The following NRK variants were observed in gnomAD, a reference collection of about 807,000 sequenced individuals.
The protein encoded by NRK is nik-related protein kinase.
A neutral mutation model predicts 125.2 loss-of-function variants in NRK; 67 were observed. The ratio of observed to expected loss-of-function variants is 0.54; its 90% CI spans 0.44 to 0.66. The LOEUF (loss-of-function observed/expected upper bound fraction) is 0.66, where lower values mean the gene tolerates loss of function less well. NRK is among the 30% of genes least tolerant of loss of function. The pLI, the probability that NRK is intolerant of heterozygous loss-of-function variation, is 0.00. For synonymous variants in NRK, 458 were observed against 429.0 expected (o/e 1.07, Z -0.84); for missense variants, 1,224 against 1,192.9 (o/e 1.03, Z -0.38).
At position 105,946,470 on chromosome X, in the gene NRK, A is replaced by G; in HGVS notation, c.4353+6A>G. On this transcript the variant is annotated splice_donor_region_variant and intron_variant, in intron 26 of 28. Coordinates refer to ENST00000243300, the MANE Select transcript of NRK (RefSeq NM_198465.4). ...ATGTGACCCTGCCAAAGAATGTAAG[A>G]TAACACCTTCAGATTCCTAGAAATT... The G allele has an allele frequency of 1.7e-6, 2 of 1,153,442 alleles. No homozygotes were observed. The highest frequency in any genetic ancestry group is 1.2e-6 in the Non-Finnish European group (1 of 851,648).
chrX:105,955,598 T>G lies in NRK; in HGVS notation c.4747T>G (p.Ter1583GluextTer25), dbSNP rs2040966753. 9.2e-7 allele frequency: 1 copy of G among 1,087,046 alleles called. No individual in the cohort carries two copies. Among genetic ancestry groups the G allele is most frequent in the Admixed American group, 2.4e-5 (1 of 41,666 alleles). 89.6% of individuals were successfully genotyped at this position (1,087,046 alleles called of 1,213,427 possible). A position where few individuals can be genotyped will look rare whatever the true frequency, so the allele number is the denominator to read the frequency against. ...LEELQSNYDV[*>E] ...AGAGCTCCAAAGCAATTATGATGTC[T>G]AAAAGTTTCCAGTGATTTATTACCA... Residue 1583 changes from the stop codon to glutamate (E), a stop_lost, in exon 29 of 29, where the codon TAA becomes GAA. Transcript: ENST00000243300.
At chrX:105,884,351 T>TA (rs1407364517) in intron 4 of NRK, among the ~76,000 whole-genome samples, 37 of 111,246 alleles carry the variant, frequency 3.3e-4, no homozygotes, top group Middle Eastern at 4.6e-3. Context: ...TTTTTTTTTT[T>TA]ACGAGATATA....
intron 2 of NRK, among the ~76,000 whole-genome samples, chrX:105,856,773 A>G (rs2039536873): frequency 8.9e-6 from 1 of 111,928 alleles, no homozygotes; most frequent in Non-Finnish European, 1.9e-5. Context: ...GGGTCAGTTA[A>G]GAAAGTTATT....
intron 2 of NRK, among the ~76,000 whole-genome samples, chrX:105,846,746 G>A (rs2039407262): frequency 9.0e-6 from 1 of 111,579 alleles, no homozygotes; most frequent in Non-Finnish European, 1.9e-5. Context: ...AGTTCTTCAG[G>A]AAAATTAGTT....
At position 105,910,535 on chromosome X, in the gene NRK, G is replaced by A. The variant is rs1023504101; in HGVS notation, c.2241+653G>A. ...ATTCTCCGTGTTAGAAGACCAACAGGTTCGTATGCCCACTGCATAGTAACA... is the reference window on the plus strand; with the variant it reads ...ATTCTCCGTGTTAGAAGACCAACAGATTCGTATGCCCACTGCATAGTAACA... On this transcript the variant is annotated intron_variant, in intron 13 of 28. Transcript: ENST00000243300. 7.1e-5 allele frequency among the ~76,000 whole-genome samples: 8 copies of A among 112,451 alleles called. 1 individual carries two copies. In the South Asian group the frequency reaches 2.9e-3, roughly 41 times the overall value.
In NRK at chrX:105,922,858, A is replaced by T. The variant is rs748017951; in HGVS notation, c.2611-260A>T. 8.1e-5 allele frequency among the ~76,000 whole-genome samples: 9 copies of T among 111,288 alleles called. No individual in the cohort carries two copies. In the South Asian group the frequency reaches 1.5e-3, roughly 19 times the overall value. On this transcript the variant is annotated intron_variant, in intron 17 of 28. Coordinates refer to ENST00000243300, the MANE Select transcript of NRK (RefSeq NM_198465.4). The stretch of plus-strand genomic sequence containing the variant: ...TCTCCAGCATCAAAAGCAAGTGTCC[A>T]TTCCTGAGCTGACAAGTATGGGTAT...
At chrX:105,932,634 G>GA (rs1417012002) in intron 19 of NRK, among the ~76,000 whole-genome samples, 2 of 111,612 alleles carry the variant, frequency 1.8e-5, no homozygotes, top group African/African-American at 6.5e-5. Context: ...ACTCCAGACA[G>GA]AAAAAAGATT....
At position 105,937,444 on chromosome X, in the gene NRK, A is replaced by T; in HGVS notation, c.3661A>T (p.Asn1221Tyr). The T allele has an allele frequency of 8.5e-7, 1 of 1,180,989 alleles. No homozygotes were observed. The highest frequency in any genetic ancestry group is 1.1e-6 in the Non-Finnish European group (1 of 874,181). The change falls in exon 22 of 29, where the codon AAT becomes TAT. Residue 1221 changes from asparagine to tyrosine, a missense_variant. Transcript: ENST00000243300. ...EICCGSLWGV[N>Y]LLLGTRSNLY... The stretch of plus-strand genomic sequence containing the variant: ...CACTTTTTATATATGAACAGGAGTC[A>T]ATTTGCTGTTGGGAACCCGATCTAA...
chrX:105,850,346 G>A (rs1035358990), intron 2 of NRK, among the ~76,000 whole-genome samples: 1 of 111,485 alleles, frequency 9.0e-6, no homozygotes, highest in African/African-American at 3.3e-5. Flanking sequence ...TTTTCCTCCT[G>A]GGCCTCCAGG....
At chrX:105,914,552 C>G (rs2040340973) in intron 14 of NRK, among the ~76,000 whole-genome samples, 1 of 110,009 alleles carries the variant, frequency 9.1e-6, no homozygotes, top group Admixed American at 9.8e-5. Flanking sequence ...TTATTTTTGG[C>G]CGTTACCTAT....
chrX:105,872,252 A>G (rs1235538747), intron 2 of NRK, among the ~76,000 whole-genome samples: 1 of 111,578 alleles, frequency 9.0e-6, no homozygotes, highest in Non-Finnish European at 1.9e-5. Flanking sequence ...TGTAATGAGT[A>G]CAGCCTGTGG....
Position 105,953,067 on chromosome X carries a change from G to T in NRK, c.4547G>T (p.Gly1516Val). 1 of 1,190,622 alleles carries T rather than the reference G, an allele frequency of 8.4e-7. No homozygotes were observed. The highest frequency in any genetic ancestry group is 1.1e-6 in the Non-Finnish European group (1 of 880,978). The part of the protein sequence containing the change: ...FECTQRTTGW[G>V]QKAIEVRSLQ... ...TGTACACAGCGAACCACAGGATGGG[G>T]CCAAAAGGCCATTGAAGTGCGCTCT... The change falls in exon 28 of 29, where the codon GGC becomes GTC. Residue 1516 changes from glycine (G) to valine (V), a missense_variant. Transcript: ENST00000243300.
chrX:105,879,091 T>G (rs2039853695), intron 2 of NRK, among the ~76,000 whole-genome samples: 1 of 110,901 alleles, frequency 9.0e-6, no homozygotes, highest in Admixed American at 9.7e-5. Context: ...CAATTTCTTC[T>G]TGTCTTTTAC....
intron 11 of NRK, 150 bp from the exon 12 acceptor site, chrX:105,908,090 A>G (rs991967172): frequency 5.9e-5 from 21 of 357,381 alleles, no homozygotes; most frequent in Middle Eastern, 8.0e-4. Context: ...TATGGTCTAC[A>G]TCACAAACCA....
At position 105,930,793 on chromosome X, in the gene NRK, G is replaced by A. The variant is rs376601609; in HGVS notation, c.3313-3465G>A. ...GTTGGGTGCATTGACTTTGGTTCTG[G>A]GTGGATGCAGCAGTGTGGTCTCTAT... is the stretch of plus-strand genomic sequence containing the variant. On this transcript the variant is annotated intron_variant, in intron 19 of 28. Transcript: ENST00000243300. Among the ~76,000 whole-genome samples, 4 of 111,165 alleles carry A rather than the reference G, an allele frequency of 3.6e-5. No individual in the cohort carries two copies. The East Asian group carries it at 8.6e-4, about 24-fold the overall frequency.
chrX:105,848,173 C>T (rs188968185), intron 2 of NRK, among the ~76,000 whole-genome samples: 1 of 111,549 alleles, frequency 9.0e-6, no homozygotes, highest in East Asian at 2.8e-4. Flanking sequence ...TAGGTCAATC[C>T]GTTATTTATA....
At chrX:105,843,640 A>G (rs1227669042) in intron 2 of NRK, among the ~76,000 whole-genome samples, 1 of 111,908 alleles carries the variant, frequency 8.9e-6, no homozygotes, top group Non-Finnish European at 1.9e-5. Context: ...TTGAAAGAGT[A>G]TATTTTTTCT....
chrX:105,956,216 C>G lies in NRK; in HGVS notation c.*616C>G, dbSNP rs755006457. On this transcript the variant is annotated 3_prime_UTR_variant, in exon 29 of 29. Coordinates refer to ENST00000243300, the MANE Select transcript of NRK (RefSeq NM_198465.4). ...TTAAAGACCAGTTTTGTTCTTTTCA[C>G]CCATTTTTAAGCTGGTTTTCTCCTG... 9 of 111,407 alleles carry G rather than the reference C, an allele frequency of 8.1e-5. No homozygotes were observed. The highest frequency in any genetic ancestry group is 2.9e-4 in the African/African-American group (9 of 30,612). 9.2% of individuals were successfully genotyped at this position (111,407 alleles called of 1,213,427 possible). A position where few individuals can be genotyped will look rare whatever the true frequency, so the allele number is the denominator to read the frequency against.
intron 1 of NRK, among the ~76,000 whole-genome samples, chrX:105,824,624 A>C (rs2039068548): frequency 9.1e-6 from 1 of 109,976 alleles, no homozygotes. Flanking sequence ...CCACAAAAAA[A>C]AAAAAAAAAA....
Sources: allele counts gnomAD v4.1 joint callset (sites outside exome capture counted in the v4.1 genomes callset), GRCh38; gene constraint gnomAD v4.1.1; transcripts MANE v1.5; gene names NCBI Gene and HGNC (gene_info 2026-07-23, HGNC 2026-07-21).